Variants in GALNTL6 observed in about 807,000 individuals in gnomAD.
GALNTL6 encodes the protein polypeptide N-acetylgalactosaminyltransferase-like 6.
GALNTL6 carries 46 observed loss-of-function variants against 73.7 expected under a neutral mutation model. The ratio of observed to expected loss-of-function variants is 0.62; its 90% CI spans 0.49 to 0.80. The LOEUF is 0.80. Ranked by LOEUF, GALNTL6 falls within the 30% of genes least tolerant of loss-of-function variation. The probability of loss-of-function intolerance (pLI) is 0.00; values close to 1 mark genes in which losing one functional copy is unlikely to be tolerated. For synonymous variants in GALNTL6, 259 were observed against 263.7 expected (o/e 0.98, Z 0.17); for missense variants, 604 against 755.0 (o/e 0.80, Z 2.34).
intron 5 of GALNTL6, among the ~76,000 whole-genome samples, chr4:172,433,047 T>C (rs923771682): frequency 6.6e-6 from 1 of 152,166 alleles, no homozygotes; most frequent in Non-Finnish European, 1.5e-5. Flanking sequence ...GCAAATGTCA[T>C]TGTAGTTTGC....
At chr4:172,211,653 G>C (rs1269621534) in intron 2 of GALNTL6, among the ~76,000 whole-genome samples, 1 of 152,176 alleles carries the variant, frequency 6.6e-6, no homozygotes, top group African/African-American at 2.4e-5. Context: ...CATGTGGGCT[G>C]TTACAACAAA....
chr4:171,935,986 G>A (rs1035824363), intron 2 of GALNTL6, among the ~76,000 whole-genome samples: 7 of 152,116 alleles, frequency 4.6e-5, no homozygotes, highest in Non-Finnish European at 8.8e-5. Flanking sequence ...ATAAAAGTAG[G>A]ATTTGGCATG....
At chr4:171,963,641 GTGA>G (rs1036274557) in intron 2 of GALNTL6, among the ~76,000 whole-genome samples, 1 of 152,192 alleles carries the variant, frequency 6.6e-6, no homozygotes, top group Non-Finnish European at 1.5e-5. Flanking sequence ...ACCCTAAGGA[GTGA>G]TGGTAACCTA....
intron 2 of GALNTL6, among the ~76,000 whole-genome samples, chr4:172,226,219 G>A (rs1174793553): frequency 2.6e-5 from 4 of 152,044 alleles, no homozygotes; most frequent in South Asian, 2.1e-4. Context: ...TATAGATAAC[G>A]TGTATATCAC....
At chr4:172,115,716 A>G (rs1287673117) in intron 2 of GALNTL6, among the ~76,000 whole-genome samples, 1 of 152,144 alleles carries the variant, frequency 6.6e-6, no homozygotes, top group Non-Finnish European at 1.5e-5. Context: ...ATGGCAGAAA[A>G]GACAAATGGA....
chr4:172,829,404 A>G (rs1742499386), intron 7 of GALNTL6, among the ~76,000 whole-genome samples: 2 of 152,164 alleles, frequency 1.3e-5, no homozygotes, highest in South Asian at 4.1e-4. Flanking sequence ...TTGGCACCTC[A>G]TTGCTTCAGG....
At chr4:172,092,486 T>C (rs916961055) in intron 2 of GALNTL6, among the ~76,000 whole-genome samples, 8 of 152,134 alleles carry the variant, frequency 5.3e-5, no homozygotes, top group Admixed American at 2.0e-4. Flanking sequence ...TAAAGTTAGG[T>C]TGATGTCAAA....
intron 5 of GALNTL6, among the ~76,000 whole-genome samples, chr4:172,648,592 A>C (rs946066728): frequency 4.6e-5 from 7 of 152,160 alleles, no homozygotes; most frequent in African/African-American, 1.7e-4. Flanking sequence ...TTTTAAGTCC[A>C]AAAAAATCAG....
intron 2 of GALNTL6, among the ~76,000 whole-genome samples, chr4:172,196,546 A>G (rs1735779144): frequency 6.6e-6 from 1 of 152,224 alleles, no homozygotes; most frequent in Non-Finnish European, 1.5e-5. Flanking sequence ...AAAAATCCTT[A>G]ATAAAGTACT....
intron 5 of GALNTL6, among the ~76,000 whole-genome samples, chr4:172,543,539 G>A (rs539872067): frequency 2.8e-4 from 43 of 152,246 alleles, no homozygotes; most frequent in South Asian, 6.2e-4. Context: ...TTCCTGGGTC[G>A]TAGAGACTTA....
intron 5 of GALNTL6, among the ~76,000 whole-genome samples, chr4:172,700,435 A>G (rs150636744): frequency 6.6e-6 from 1 of 152,294 alleles, no homozygotes; most frequent in East Asian, 1.9e-4. Context: ...GCTGATTTGA[A>G]TGGATGTAAT....
chr4:172,440,839 C>G (rs1039530460), intron 5 of GALNTL6, among the ~76,000 whole-genome samples: 1 of 151,920 alleles, frequency 6.6e-6, no homozygotes, highest in African/African-American at 2.4e-5. Context: ...TTCATAAAAG[C>G]TTTTATATAG....
intron 2 of GALNTL6, among the ~76,000 whole-genome samples, chr4:171,944,626 TAC>T (rs1397847356): frequency 6.6e-6 from 1 of 152,012 alleles, no homozygotes; most frequent in African/African-American, 2.4e-5. Flanking sequence ...AATCAGAAAA[TAC>T]ATTCATTTCT....
At chr4:172,080,876 A>G (rs981144588) in intron 2 of GALNTL6, among the ~76,000 whole-genome samples, 5 of 151,898 alleles carry the variant, frequency 3.3e-5, no homozygotes, top group African/African-American at 1.2e-4. Flanking sequence ...ATATAAATTT[A>G]CATTTCTTGT....
chr4:172,264,371 A>G (rs1738361098), intron 3 of GALNTL6, among the ~76,000 whole-genome samples: 1 of 150,676 alleles, frequency 6.6e-6, no homozygotes, highest in Non-Finnish European at 1.5e-5. Context: ...TAACTACAGA[A>G]GCTTCTCAGT....
intron 2 of GALNTL6, among the ~76,000 whole-genome samples, chr4:172,019,469 G>GA: frequency 6.6e-6 from 1 of 151,936 alleles, no homozygotes; most frequent in South Asian, 2.1e-4. Context: ...TAAAGGAATG[G>GA]AAAAAGATAT....
At chr4:171,836,356 T>C (rs1735094701) in intron 2 of GALNTL6, among the ~76,000 whole-genome samples, 1 of 152,086 alleles carries the variant, frequency 6.6e-6, no homozygotes, top group South Asian at 2.1e-4. Flanking sequence ...GGGGCAACAA[T>C]GACCGTTAAA....
chr4:172,370,061 G>A (rs1742737055), intron 5 of GALNTL6, among the ~76,000 whole-genome samples: 1 of 152,160 alleles, frequency 6.6e-6, no homozygotes, highest in African/African-American at 2.4e-5. Context: ...AACTGCTGTT[G>A]GGAATTTGGC....
rs80070967 is a variant in GALNTL6, at chr4:172,147,403, G to T, written c.139-82253G>T. On this transcript the variant is annotated intron_variant, in intron 2 of 12. Coordinates refer to ENST00000506823, the MANE Select transcript of GALNTL6 (RefSeq NM_001034845.3). ...GACCATGGGTTTGGCCATGAAATTT[G>T]TTAAAGGCAATTTGTTCAATTGACT... Among the ~76,000 whole-genome samples, 2,462 of 152,288 alleles carry T rather than the reference G, an allele frequency of 0.016. 155 individuals are homozygous for T. The East Asian group carries it at 0.18, about 11-fold the overall frequency.
Sources: gnomAD v4.1 joint callset for allele counts (sites outside exome capture counted in the v4.1 genomes callset) on GRCh38, gnomAD v4.1.1 for gene constraint, MANE v1.5 for transcripts, NCBI Gene and HGNC (gene_info 2026-07-23, HGNC 2026-07-21) for gene names.